The following PKD1L3 variants were observed in gnomAD, a reference collection of about 807,000 sequenced individuals.
PKD1L3 encodes polycystin 1 like 3, transient receptor potential channel interacting, also known as polycystin-1-like protein 3.
A neutral mutation model predicts 184.1 loss-of-function variants in PKD1L3; 239 were observed. That is an observed-to-expected ratio of 1.30 (90% CI 1.17 to 1.45). The LOEUF (loss-of-function observed/expected upper bound fraction) is 1.45, where lower values mean the gene tolerates loss of function less well. Ranked by LOEUF, PKD1L3 falls within the 40% of genes most tolerant of loss-of-function variation. PKD1L3 has a pLI of 0.00. For synonymous variants in PKD1L3, 996 were observed against 778.8 expected, an observed-to-expected ratio of 1.28 and a Z score of -4.64; for missense variants, 2,660 against 2,067.2, an observed-to-expected ratio of 1.29 and a Z score of -5.56.
intron 4 of PKD1L3, among the ~76,000 whole-genome samples, chr16:71,987,099 A>G (rs2040401540): frequency 6.7e-6 from 1 of 150,258 alleles, no homozygotes; most frequent in Non-Finnish European, 1.5e-5. Context: ...TAATTTTTGT[A>G]TTTTTAGTAG....
chr16:71,988,428 C>G (rs2040459268), intron 4 of PKD1L3, among the ~76,000 whole-genome samples: 1 of 152,184 alleles, frequency 6.6e-6, no homozygotes, highest in East Asian at 1.9e-4. Flanking sequence ...ATCCTGGCCT[C>G]AAGTGATCCA....
chr16:71,980,883 T>C (rs7192750), intron 7 of PKD1L3, among the ~76,000 whole-genome samples: 115,786 of 152,096 alleles, frequency 0.76, 44,321 homozygotes, highest in South Asian at 0.86. Context: ...CTCCATTCCC[T>C]CATCCCTAGT....
chr16:71,973,536 G>A lies in PKD1L3; in HGVS notation c.1760-19C>T, dbSNP rs945801149. On this transcript the variant is annotated intron_variant, in intron 11 of 29. Coordinates refer to ENST00000620267, the MANE Select transcript of PKD1L3 (RefSeq NM_181536.2). ...TCCTCATCTTAGAACAAAGAAGAGT[G>A]CTTACTTGTATATCAAATGGAACAA... 1.9e-6 allele frequency: 3 copies of A among 1,538,778 alleles called. No homozygotes were observed. The highest frequency in any genetic ancestry group is 3.3e-4 in the Middle Eastern group (2 of 5,976).
In PKD1L3 at chr16:71,950,016, C is replaced by T; in HGVS notation, c.3385G>A (p.Glu1129Lys). The T allele has an allele frequency of 6.4e-7, 1 of 1,550,916 alleles. No individual in the cohort carries two copies. Among genetic ancestry groups the T allele is most frequent in the Non-Finnish European group, 8.7e-7 (1 of 1,146,880 alleles). Residue 1129 changes from glutamate (E) to lysine (K), a missense_variant and splice_region_variant, in exon 21 of 30, where the codon GAA (glutamate) becomes AAA (lysine). Transcript: ENST00000620267. ...ILPTEQEPSR[E>K]VTSFAILSSE... ...CTCAGGATGGCAAAACTGGTGACTT[C>T]CCTGAAGCACAAAAGTTGAGGGAAT...
intron 19 of PKD1L3, among the ~76,000 whole-genome samples, chr16:71,951,328 C>T (rs1304552394): frequency 6.6e-6 from 1 of 152,236 alleles, no homozygotes; most frequent in African/African-American, 2.4e-5. Flanking sequence ...GCGTGACCCA[C>T]ATCTGGCTTG....
chr16:71,970,041 C>T lies in PKD1L3; in HGVS notation c.2018G>A (p.Ser673Asn), dbSNP rs1466875744. 4 of 1,551,554 alleles carry T rather than the reference C, an allele frequency of 2.6e-6. No individual in the cohort carries two copies. The African/African-American group carries it at 4.1e-5, about 16-fold the overall frequency. The change falls in exon 13 of 30, where the codon AGC becomes AAC. Residue 673 changes from serine to asparagine, a missense_variant. Ser to Asn is a conservative substitution (Grantham distance 46, BLOSUM62 1). Coordinates refer to ENST00000620267, the MANE Select transcript of PKD1L3 (RefSeq NM_181536.2). ...CLCNHLTFFASDFFVVPRTVN... is the reference protein window; with the variant it reads ...CLCNHLTFFANDFFVVPRTVN... ...GGTCCTGGGCACGACAAAGAAGTCG[C>T]TGGCAAAGAAGGTCAGGTGGTTACA...
Position 71,969,997 on chromosome 16 carries a change from TC to T in PKD1L3, c.2061del (p.Ile688SerfsTer7), listed in dbSNP as rs761762466. On this transcript the variant is annotated frameshift_variant, in exon 13 of 30. Coordinates refer to ENST00000620267, the MANE Select transcript of PKD1L3 (RefSeq NM_181536.2). LOFTEE classifies it high-confidence loss of function. ...TTGGTCACGCGAAGGAACAGTTTGA[TC>T]GTGTCTTCAACATTCACGGTCCTGG... ...VVPRTVNVEDTIKLFLRVTNN... is the reference protein window; with the variant it reads ...VVPRTVNVEDXIKLFLRVTNN... 6.3e-5 allele frequency: 98 copies of T among 1,551,640 alleles called. No individual in the cohort carries two copies. Among genetic ancestry groups the T allele is most frequent in the Non-Finnish European group, 8.1e-5 (93 of 1,147,034 alleles).
intron 25 of PKD1L3, 83 bp downstream of exon 25, chr16:71,937,209 C>T: frequency 1.4e-6 from 2 of 1,390,822 alleles, no homozygotes; most frequent in Admixed American, 4.5e-5. Flanking sequence ...GTGCATGCCA[C>T]CACACCTGGG....
At chr16:71,996,875 T>A (rs1470686987) in intron 2 of PKD1L3, among the ~76,000 whole-genome samples, 1 of 152,048 alleles carries the variant, frequency 6.6e-6, no homozygotes. Flanking sequence ...GAAGGCATTA[T>A]CTCTCTACAG....
At chr16:71,996,498 G>C (rs1218905656) in intron 2 of PKD1L3, among the ~76,000 whole-genome samples, 1 of 151,942 alleles carries the variant, frequency 6.6e-6, no homozygotes, top group African/African-American at 2.4e-5. Flanking sequence ...TTTACCTCGT[G>C]ATCCACCCGC....
At chr16:71,986,783 G>A (rs181427068) in intron 4 of PKD1L3, among the ~76,000 whole-genome samples, 93 of 152,198 alleles carry the variant, frequency 6.1e-4, no homozygotes, top group African/African-American at 2.1e-3. Context: ...TGCGCTTGTC[G>A]AGCCCCTGTG....
rs1048704208 is a variant in PKD1L3, at chr16:71,930,130, G to C, written c.4980C>G (p.Ile1660Met). 2 of 1,551,564 alleles carry C rather than the reference G, an allele frequency of 1.3e-6. No individual in the cohort carries two copies. The highest frequency in any genetic ancestry group is 2.0e-5 in the Admixed American group (1 of 50,980). ...GATTAATTACCACAAGTACCATCAA[G>C]ATGACACTGGTGAGGATCAGAAAGG... ...LGTFLILTSV[I>M]LMVLVVINLF... Residue 1660 changes from isoleucine (I) to methionine (M), a missense_variant, in exon 29 of 30, where the codon ATC becomes ATG. Physicochemically the swap from Ile to Met is conservative, Grantham distance 10. Coordinates refer to ENST00000620267, the MANE Select transcript of PKD1L3 (RefSeq NM_181536.2).
chr16:71,942,275 G>C (rs2038387655), intron 24 of PKD1L3, among the ~76,000 whole-genome samples: 1 of 152,200 alleles, frequency 6.6e-6, no homozygotes, highest in Admixed American at 6.5e-5. Flanking sequence ...AGAGGGTACA[G>C]AGAGCCAAGA....
chr16:71,975,133 G>A (rs572720540), intron 11 of PKD1L3, among the ~76,000 whole-genome samples: 1 of 152,080 alleles, frequency 6.6e-6, no homozygotes, highest in Admixed American at 6.6e-5. Context: ...GAAACTCATT[G>A]TGGCTTTGAA....
chr16:71,929,603 A>G lies in PKD1L3; in HGVS notation c.5134T>C (p.Ser1712Pro). 1 of 1,551,792 alleles carries G rather than the reference A, an allele frequency of 6.4e-7. No individual in the cohort carries two copies. ...GCTGTCGTGGCTGCTTGCTCAGATGAGGTTTTTTGGGGCCAACTGATTCCT... is the reference window on the plus strand; with the variant it reads ...GCTGTCGTGGCTGCTTGCTCAGATGGGGTTTTTTGGGGCCAACTGATTCCT... ...LLGISWPQKT[S>P]SEQAATTAVG... is the part of the protein sequence containing the mutation. Residue 1712 changes from serine (S) to proline (P), a missense_variant, in exon 30 of 30, where the codon TCA (serine) becomes CCA (proline). By Grantham distance (74) the Ser-to-Pro change is moderately conservative. Coordinates refer to ENST00000620267, the MANE Select transcript of PKD1L3 (RefSeq NM_181536.2).
intron 11 of PKD1L3, among the ~76,000 whole-genome samples, chr16:71,976,063 T>C (rs1597350418): frequency 6.6e-6 from 1 of 151,882 alleles, no homozygotes; most frequent in South Asian, 2.1e-4. Flanking sequence ...TTCTCATGCC[T>C]CAGTCTCCCG....
In PKD1L3 at chr16:71,954,132, T is replaced by C; in HGVS notation, c.2782A>G (p.Ser928Gly). The change falls in exon 17 of 30, where the codon AGC becomes GGC. Residue 928 changes from serine (S) to glycine (G), a missense_variant. By Grantham distance (56) the Ser-to-Gly change is moderately conservative. Coordinates refer to ENST00000620267, the MANE Select transcript of PKD1L3 (RefSeq NM_181536.2). ...VINVMFWKIN[S>G]TTAKRDEQMR... ...TGCTCATCTCTCTTGGCAGTGGTGC[T>C]GTTTATCTTCCAGAACATAACATTG... 1 of 1,547,786 alleles carries C rather than the reference T, an allele frequency of 6.5e-7. No homozygotes were observed. Among genetic ancestry groups the C allele is most frequent in the Non-Finnish European group, 8.7e-7 (1 of 1,145,562 alleles).
At chr16:71,973,786 G>C (rs1399234627) in intron 11 of PKD1L3, among the ~76,000 whole-genome samples, 1 of 152,088 alleles carries the variant, frequency 6.6e-6, no homozygotes, top group Non-Finnish European at 1.5e-5. Context: ...CGGATCACTT[G>C]AGGTCAGGAG....
chr16:71,989,045 T>G (rs913378880), intron 4 of PKD1L3, among the ~76,000 whole-genome samples: 7 of 152,230 alleles, frequency 4.6e-5, no homozygotes, highest in African/African-American at 1.4e-4. Flanking sequence ...TCAAATGCCT[T>G]TAACTGAAAT....
Sources: gnomAD v4.1 joint callset for allele counts (sites outside exome capture counted in the v4.1 genomes callset) on GRCh38, gnomAD v4.1.1 for gene constraint, MANE v1.5 for transcripts, NCBI Gene and HGNC (gene_info 2026-07-23, HGNC 2026-07-21) for gene names.